Variants in ATP8A2 observed in about 807,000 individuals in gnomAD.
ATP8A2 encodes phospholipid-transporting ATPase IB.
ATP8A2 carries 100 observed loss-of-function variants against 165.6 expected under a neutral mutation model. That is an observed-to-expected ratio of 0.60 (90% confidence interval 0.51 to 0.71). The LOEUF (loss-of-function observed/expected upper bound fraction) is 0.71, where lower values mean the gene tolerates loss of function less well. Ranked by LOEUF, ATP8A2 falls within the 30% of genes least tolerant of loss-of-function variation. The probability of loss-of-function intolerance (pLI) is 0.00; values close to 1 mark genes in which losing one functional copy is unlikely to be tolerated. For synonymous variants in ATP8A2, 543 were observed against 548.8 expected, an observed-to-expected ratio of 0.99 and a Z score of 0.15; for missense variants, 1,227 against 1,479.5, an observed-to-expected ratio of 0.83 and a Z score of 2.80.
chr13:25,987,551 A>G (rs1248134453), intron 35 of ATP8A2, among the ~76,000 whole-genome samples: 1 of 152,182 alleles, frequency 6.6e-6, no homozygotes, highest in Non-Finnish European at 1.5e-5. Context: ...ACACTGGCAA[A>G]GTCAGCATGC....
intron 35 of ATP8A2, among the ~76,000 whole-genome samples, chr13:26,010,755 A>T (rs1956828245): frequency 2.0e-5 from 3 of 152,224 alleles, no homozygotes; most frequent in Admixed American, 6.5e-5. Flanking sequence ...CCCATGGAAG[A>T]AAGAGGAGAC....
intron 2 of ATP8A2, among the ~76,000 whole-genome samples, chr13:25,513,144 G>C (rs931942788): frequency 1.3e-4 from 19 of 151,396 alleles, no homozygotes; most frequent in African/African-American, 4.6e-4. Context: ...GGGCGGAGGG[G>C]CTCCTCACCT....
intron 35 of ATP8A2, among the ~76,000 whole-genome samples, chr13:26,001,831 C>T (rs1014535747): frequency 4.6e-5 from 7 of 151,982 alleles, no homozygotes; most frequent in African/African-American, 1.7e-4. Context: ...CTTTTCATTT[C>T]CTTGATAATG....
intron 24 of ATP8A2, among the ~76,000 whole-genome samples, chr13:25,626,675 G>C (rs2137487309): frequency 6.6e-6 from 1 of 152,190 alleles, no homozygotes; most frequent in South Asian, 2.1e-4. Flanking sequence ...GTGGTATGGG[G>C]AGTAAAGAAG....
At chr13:25,954,206 T>C (rs763331613) in intron 33 of ATP8A2, among the ~76,000 whole-genome samples, 16 of 152,264 alleles carry the variant, frequency 1.1e-4, no homozygotes, top group Admixed American at 2.0e-4. Flanking sequence ...CTTGAGTAGG[T>C]GGTTTTCCCC....
chr13:25,689,396 T>A (rs2042675396), intron 24 of ATP8A2, among the ~76,000 whole-genome samples: 1 of 152,208 alleles, frequency 6.6e-6, no homozygotes, highest in Non-Finnish European at 1.5e-5. Context: ...CTGATATACT[T>A]AATGACATAG....
intron 27 of ATP8A2, among the ~76,000 whole-genome samples, chr13:25,775,731 G>A (rs1206438610): frequency 6.6e-6 from 1 of 152,118 alleles, no homozygotes; most frequent in Non-Finnish European, 1.5e-5. Flanking sequence ...TTTGTCTATG[G>A]AGGAAGGCAA....
chr13:25,847,893 T>G (rs1951906687), intron 30 of ATP8A2, among the ~76,000 whole-genome samples: 1 of 152,138 alleles, frequency 6.6e-6, no homozygotes, highest in African/African-American at 2.4e-5. Flanking sequence ...TCTCACCCAC[T>G]GAGCAGGTGT....
At chr13:25,866,144 G>A (rs1952502856) in intron 33 of ATP8A2, among the ~76,000 whole-genome samples, 1 of 152,176 alleles carries the variant, frequency 6.6e-6, no homozygotes, top group Non-Finnish European at 1.5e-5. Context: ...GCATTTCCCA[G>A]CACTTCTGAC....
intron 36 of ATP8A2, among the ~76,000 whole-genome samples, chr13:26,013,605 C>T (rs528148173): frequency 2.0e-4 from 31 of 151,320 alleles, no homozygotes; most frequent in South Asian, 6.3e-4. Context: ...ACCTAGGAAG[C>T]GGAGGTTGCA....
chr13:25,430,640 T>C (rs1003973615), intron 1 of ATP8A2, among the ~76,000 whole-genome samples: 36 of 152,166 alleles, frequency 2.4e-4, no homozygotes, highest in African/African-American at 8.2e-4. Flanking sequence ...TCTCGCTCTG[T>C]TGCCCAGACT....
intron 13 of ATP8A2, among the ~76,000 whole-genome samples, chr13:25,556,467 T>G (rs2038984814): frequency 6.6e-6 from 1 of 152,120 alleles, no homozygotes; most frequent in South Asian, 2.1e-4. Context: ...GGTTGTTTGG[T>G]TTTTGCTTGT....
chr13:25,435,912 CGTGTGTGTGTGTGTGTGTGA>C (rs1237603910), intron 1 of ATP8A2, among the ~76,000 whole-genome samples: 7 of 56,704 alleles, frequency 1.2e-4, no homozygotes, highest in African/African-American at 2.4e-4. Context: ...GAAAAAGCAT[CGTGTGTGTGTGTGTGTGTGA>C]GTGTGTGTGT....
intron 2 of ATP8A2, among the ~76,000 whole-genome samples, chr13:25,493,380 C>T (rs991957634): frequency 6.6e-6 from 1 of 152,058 alleles, no homozygotes; most frequent in African/African-American, 2.4e-5. Context: ...AAGAAAATCC[C>T]CACAGAGATC....
At chr13:25,579,447 A>C (rs977671760) in intron 21 of ATP8A2, among the ~76,000 whole-genome samples, 24 of 152,088 alleles carry the variant, frequency 1.6e-4, no homozygotes, top group Non-Finnish European at 2.2e-4. Flanking sequence ...TGGATCTTTC[A>C]TGGGATAGCA....
At chr13:25,614,197 A>G (rs1226166760) in intron 24 of ATP8A2, among the ~76,000 whole-genome samples, 1 of 152,136 alleles carries the variant, frequency 6.6e-6, no homozygotes, top group East Asian at 1.9e-4. Context: ...AACATAATAC[A>G]AAACTTCTTG....
rs558766102 is a variant in ATP8A2, at chr13:25,677,621, G to T, written c.2212-21552G>T. Among the ~76,000 whole-genome samples the T allele has an allele frequency of 2.3e-3, 350 of 152,294 alleles. 3 individuals are homozygous for T. The highest frequency in any genetic ancestry group is 8.2e-3 in the African/African-American group (340 of 41,540). On this transcript the variant is annotated intron_variant, in intron 24 of 36. Coordinates refer to ENST00000381655, the MANE Select transcript of ATP8A2 (RefSeq NM_016529.6). ...GTGTGAACATGAAGATTAATTTGAG[G>T]AGTATAGAAGATTTTGATCTTGGTG...
chr13:25,785,891 A>G (rs1314768399), intron 27 of ATP8A2, among the ~76,000 whole-genome samples: 2 of 152,232 alleles, frequency 1.3e-5, no homozygotes, highest in Admixed American at 6.5e-5. Context: ...CACTACCATG[A>G]TGGAAAATGA....
rs1217474141 is a variant in ATP8A2, at chr13:25,468,996, G to C, written c.96G>C (p.Leu32Phe). 5.0e-6 allele frequency: 8 copies of C among 1,614,018 alleles called. No individual in the cohort carries two copies. Among genetic ancestry groups the C allele is most frequent in the Non-Finnish European group, 6.8e-6 (8 of 1,179,886 alleles). The part of the protein sequence containing the change: ...RSSVGPVRSS[L>F]GYKKAEDEMS... ...CTGCAGGACCTGTTCGTTCTTCTTT[G>C]GGCTATAAGAAGGCAGAGGATGAGA... The change falls in exon 2 of 37, where the codon TTG becomes TTC. Residue 32 changes from leucine to phenylalanine, a missense_variant. Coordinates refer to ENST00000381655, the MANE Select transcript of ATP8A2 (RefSeq NM_016529.6).
Sources: gnomAD v4.1 joint callset for allele counts (sites outside exome capture counted in the v4.1 genomes callset) on GRCh38, gnomAD v4.1.1 for gene constraint, MANE v1.5 for transcripts, NCBI Gene and HGNC (gene_info 2026-07-23, HGNC 2026-07-21) for gene names.